Variants in RASGEF1C observed in about 807,000 individuals in gnomAD.
RASGEF1C encodes the protein ras-GEF domain-containing family member 1C.
Under a neutral mutation model 58.1 loss-of-function variants are expected in RASGEF1C, and 27 were observed. The observed-to-expected ratio is 0.46, with a 90% CI of 0.34 to 0.64. The LOEUF (loss-of-function observed/expected upper bound fraction) is 0.64. Among genes scored for constraint, RASGEF1C ranks in the 30% least tolerant of loss-of-function variants. RASGEF1C has a pLI of 0.01. For synonymous variants in RASGEF1C, 243 were observed against 246.3 expected, an observed-to-expected ratio of 0.99 and a Z score of 0.13; for missense variants, 502 against 605.1, an observed-to-expected ratio of 0.83 and a Z score of 1.79.
In RASGEF1C at chr5:180,120,971, G is replaced by A; in HGVS notation, c.804+89C>T. 3.4e-6 allele frequency: 3 copies of A among 886,686 alleles called. No individual in the cohort carries two copies. The South Asian group carries it at 4.0e-5, about 12-fold the overall frequency. The allele number at this position is 886,686 out of a possible 1,614,324, so 54.9% of individuals were successfully genotyped here. The stretch of plus-strand genomic sequence containing the variant: ...CTTAGAAATGAATAAGACTCAAGGT[G>A]TCCTTCCGGTTCCTTCCCCCGTGGG... On this transcript the variant is annotated intron_variant, in intron 7 of 13. Coordinates refer to ENST00000361132, the MANE Select transcript of RASGEF1C (RefSeq NM_175062.4).
At chr5:180,149,335 CT>C (rs1766710415) in intron 1 of RASGEF1C, among the ~76,000 whole-genome samples, 1 of 151,148 alleles carries the variant, frequency 6.6e-6, no homozygotes, top group Admixed American at 6.6e-5. Flanking sequence ...ATCTGCCCAC[CT>C]CAGCCTCCCA....
At chr5:180,106,365 G>T (rs1222987662) in intron 12 of RASGEF1C, among the ~76,000 whole-genome samples, 1 of 152,138 alleles carries the variant, frequency 6.6e-6, no homozygotes, top group African/African-American at 2.4e-5. Context: ...GATTCTTGAT[G>T]TAGGAACTTA....
intron 1 of RASGEF1C, among the ~76,000 whole-genome samples, chr5:180,140,033 G>T (rs945913090): frequency 2.6e-5 from 4 of 152,218 alleles, no homozygotes; most frequent in African/African-American, 9.6e-5. Context: ...TCTGAAGGAG[G>T]CCAGGAGGCT....
At chr5:180,159,338 C>T (rs185189118) in intron 1 of RASGEF1C, among the ~76,000 whole-genome samples, 37 of 152,206 alleles carry the variant, frequency 2.4e-4, no homozygotes, top group South Asian at 1.2e-3. Context: ...TGGGATTTCA[C>T]CATGTTGCCC....
chr5:180,137,838 G>T lies in RASGEF1C; in HGVS notation c.177+38C>A. On this transcript the variant is annotated intron_variant, in intron 2 of 13. Coordinates refer to ENST00000361132, the MANE Select transcript of RASGEF1C (RefSeq NM_175062.4). The surrounding 1 kb of genome is among the most constrained non-coding windows in gnomAD (Gnocchi z 4.1). ...CTGATGCCCCCCGTGCGTGGTGGAG[G>T]AGAGCCCACTCTCCTGCCCGCTGGG... is the stretch of plus-strand genomic sequence containing the variant. 6.2e-7 allele frequency: 1 copy of T among 1,605,836 alleles called. No individual in the cohort carries two copies. The highest frequency in any genetic ancestry group is 8.5e-7 in the Non-Finnish European group (1 of 1,176,748).
chr5:180,205,026 T>G (rs62406979), intron 1 of RASGEF1C, among the ~76,000 whole-genome samples: 1 of 151,906 alleles, frequency 6.6e-6, no homozygotes, highest in Non-Finnish European at 1.5e-5. Context: ...CCGTCTCTAC[T>G]AAAAATACAA....
intron 1 of RASGEF1C, among the ~76,000 whole-genome samples, chr5:180,192,039 G>T: frequency 6.6e-6 from 1 of 152,200 alleles, no homozygotes; most frequent in East Asian, 1.9e-4. Flanking sequence ...AAGACCAAGA[G>T]CAGAGTCTCT....
At position 180,138,002 on chromosome 5, in the gene RASGEF1C, G is replaced by T; in HGVS notation, c.51C>A (p.Ser17Arg). 1 of 1,573,914 alleles carries T rather than the reference G, an allele frequency of 6.4e-7. No homozygotes were observed. The highest frequency in any genetic ancestry group is 8.6e-7 in the Non-Finnish European group (1 of 1,166,618). ...ASDMVTPGSLSPPPTEPTDGE... is the reference protein window; with the variant it reads ...ASDMVTPGSLRPPPTEPTDGE... ...CATCTGTGGGCTCGGTGGGGGGTGG[G>T]CTGAGGCTGCCTGGGGTGACCATGT... The change falls in exon 2 of 14, where the codon AGC becomes AGA. Residue 17 changes from serine (S) to arginine (R), a missense_variant. Transcript: ENST00000361132.
chr5:180,159,963 T>C lies in RASGEF1C; in HGVS notation c.-6-21905A>G, dbSNP rs1766913702. On this transcript the variant is annotated intron_variant, in intron 1 of 13. Coordinates refer to ENST00000361132, the MANE Select transcript of RASGEF1C (RefSeq NM_175062.4). ...GGCAGGAAGCCAAGCTTCGAGCACA[T>C]TGTTTGGATCCTGAATCTAGCTGCA... is the stretch of plus-strand genomic sequence containing the variant. Among the ~76,000 whole-genome samples the C allele has an allele frequency of 3.3e-5, 5 of 152,172 alleles. No homozygotes were observed. The South Asian group carries it at 1.0e-3, about 32-fold the overall frequency.
rs930953182 is a variant in RASGEF1C, at chr5:180,143,423, C to G, written c.-6-5365G>C. Among the ~76,000 whole-genome samples the G allele has an allele frequency of 2.6e-5, 4 of 152,214 alleles. No individual in the cohort carries two copies. The highest frequency in any genetic ancestry group is 9.6e-5 in the African/African-American group (4 of 41,452). On this transcript the variant is annotated intron_variant, in intron 1 of 13. Transcript: ENST00000361132. This position sits in a 1 kb window ranked among gnomAD's most constrained non-coding sequence, Gnocchi z 4.3. ...AGCCCTGAAGATGGATGTGCATTCT[C>G]CTGCTATTCCAGTGGGTGCTGGAAA...
intron 1 of RASGEF1C, among the ~76,000 whole-genome samples, chr5:180,152,130 ACTAGTTCAACCATT>A (rs1195390497): frequency 1.1e-4 from 16 of 151,922 alleles, no homozygotes; most frequent in African/African-American, 3.9e-4. Context: ...GGGACTGTAA[ACTAGTTCAACCATT>A]GTGGAAGTCA....
At chr5:180,131,819 C>T (rs1357290599) in intron 4 of RASGEF1C, among the ~76,000 whole-genome samples, 1 of 152,232 alleles carries the variant, frequency 6.6e-6, no homozygotes, top group African/African-American at 2.4e-5. Flanking sequence ...AACACAGATA[C>T]TTTAGCAAGA....
intron 1 of RASGEF1C, among the ~76,000 whole-genome samples, chr5:180,203,597 C>G (rs1266398883): frequency 6.6e-6 from 1 of 152,236 alleles, no homozygotes; most frequent in Non-Finnish European, 1.5e-5. Context: ...TGCCCAGGCT[C>G]TTGATTCACA....
At chr5:180,112,755 C>A (rs1299335817) in intron 11 of RASGEF1C, among the ~76,000 whole-genome samples, 4 of 152,250 alleles carry the variant, frequency 2.6e-5, no homozygotes, top group Non-Finnish European at 5.9e-5. Flanking sequence ...TGGGTGGGCC[C>A]TTTTGGAGGT....
At chr5:180,182,345 C>T (rs765285735) in intron 1 of RASGEF1C, among the ~76,000 whole-genome samples, 47 of 151,960 alleles carry the variant, frequency 3.1e-4, no homozygotes, top group Non-Finnish European at 5.0e-4. Flanking sequence ...AATGAAGCCG[C>T]GGACCTTCAC....
intron 3 of RASGEF1C, chr5:180,136,854 G>A: frequency 3.2e-6 from 1 of 316,244 alleles, no homozygotes; most frequent in Non-Finnish European, 5.9e-6. Context: ...AATCAGAGCA[G>A]GCATACGCCA....
chr5:180,207,631 C>CTTGT (rs1756512076), intron 1 of RASGEF1C, among the ~76,000 whole-genome samples: 3 of 120,500 alleles, frequency 2.5e-5, no homozygotes, highest in African/African-American at 8.7e-5. Context: ...CCCTCTCTCG[C>CTTGT]CTGCCCTCCC....
intron 1 of RASGEF1C, among the ~76,000 whole-genome samples, chr5:180,192,300 G>A (rs1756177890): frequency 6.6e-6 from 1 of 152,210 alleles, no homozygotes; most frequent in East Asian, 1.9e-4. Context: ...GGAAGAAGAA[G>A]CTCCTGACAC....
In RASGEF1C at chr5:180,114,388, G is replaced by C. The variant is rs533008309; in HGVS notation, c.1179+58C>G. The C allele has an allele frequency of 5.2e-6, 8 of 1,542,504 alleles. No individual in the cohort carries two copies. In the African/African-American group the frequency reaches 8.1e-5, roughly 16 times the overall value. On this transcript the variant is annotated intron_variant, in intron 11 of 13. Coordinates refer to ENST00000361132, the MANE Select transcript of RASGEF1C (RefSeq NM_175062.4). The stretch of plus-strand genomic sequence containing the variant: ...TGGGTGTCCAAGGGCCAGTGGTCCT[G>C]CCCTGGGAACTTTTCCCGGCCTGTC...
Sources: gnomAD v4.1 joint callset for allele counts (sites outside exome capture counted in the v4.1 genomes callset) on GRCh38, gnomAD v4.1.1 for gene constraint, Gnocchi (gnomAD v3.1) non-coding constraint, MANE v1.5 for transcripts, NCBI Gene and HGNC (gene_info 2026-07-23, HGNC 2026-07-21) for gene names.